MIPOL1: variants seen among roughly 807,000 people sequenced by gnomAD.
The protein encoded by MIPOL1 is mirror-image polydactyly 1.
A neutral mutation model predicts 60.9 loss-of-function variants in MIPOL1; 57 were observed. The ratio of observed to expected loss-of-function variants is 0.94; its 90% CI spans 0.76 to 1.17. The LOEUF is 1.17. Ranked by LOEUF, MIPOL1 falls within the 50% of genes most tolerant of loss-of-function variation. The pLI, the probability that MIPOL1 is intolerant of heterozygous loss-of-function variation, is 0.00. For missense variants in MIPOL1, 551 were observed against 511.6 expected (o/e 1.08, Z -0.74); for synonymous variants, 179 against 168.8 (o/e 1.06, Z -0.47).
chr14:37,419,533 A>T (rs2093832715), intron 10 of MIPOL1, among the ~76,000 whole-genome samples: 1 of 152,218 alleles, frequency 6.6e-6, no homozygotes, highest in Non-Finnish European at 1.5e-5. Context: ...ACTTACTTGC[A>T]TATATGTTTA....
At position 37,257,583 on chromosome 14, in the gene MIPOL1, A is replaced by T. The variant is rs550458603; in HGVS notation, c.20-9355A>T. ...GTTTCATTTGGAATCTTAATCTGAG[A>T]TTTATTTGGTGGATCTGGAAATCAT... On this transcript the variant is annotated intron_variant, in intron 3 of 12. Transcript: ENST00000684589. 2.9e-4 allele frequency among the ~76,000 whole-genome samples: 44 copies of T among 152,180 alleles called. 2 individuals are homozygous for T. In the South Asian group the frequency reaches 8.9e-3, roughly 31 times the overall value.
chr14:37,426,570 C>CATATGTATATAT (rs2093964391), intron 11 of MIPOL1, among the ~76,000 whole-genome samples: 1 of 85,530 alleles, frequency 1.2e-5, no homozygotes, highest in Non-Finnish European at 2.2e-5. Flanking sequence ...TCAAAATATA[C>CATATGTATATAT]ATATATATAT....
At chr14:37,198,194 T>C (rs1202281481) in intron 1 of MIPOL1, 90 bp downstream of exon 1, 1 of 152,288 alleles carries the variant, frequency 6.6e-6, no homozygotes, top group Non-Finnish European at 1.5e-5. Flanking sequence ...AGACTTTTCC[T>C]TGGAGAAGGA....
At chr14:37,377,919 C>T (rs1421451216) in intron 10 of MIPOL1, among the ~76,000 whole-genome samples, 1 of 151,754 alleles carries the variant, frequency 6.6e-6, no homozygotes, top group African/African-American at 2.4e-5. Flanking sequence ...TAAACTCTGA[C>T]TTTACTATTT....
intron 12 of MIPOL1, chr14:37,505,737 G>GTATTGGTGT (rs2095269406): frequency 6.6e-6 from 1 of 151,108 alleles, no homozygotes; most frequent in Admixed American, 6.6e-5. Flanking sequence ...ATTCAACATA[G>GTATTGGTGT]TATTGGAAGT....
chr14:37,318,006 A>G (rs1396011809), intron 9 of MIPOL1, among the ~76,000 whole-genome samples: 1 of 152,174 alleles, frequency 6.6e-6, no homozygotes, highest in Non-Finnish European at 1.5e-5. Flanking sequence ...ATATTTCAAG[A>G]TTCAGAAATG....
intron 9 of MIPOL1, among the ~76,000 whole-genome samples, chr14:37,319,320 A>G (rs78803407): frequency 0.027 from 4,147 of 152,306 alleles, 205 homozygotes; most frequent in African/African-American, 0.094. Flanking sequence ...AAATAAATAT[A>G]TATTTCTAAA....
At chr14:37,478,591 A>G (rs1283328805) in intron 11 of MIPOL1, among the ~76,000 whole-genome samples, 3 of 152,182 alleles carry the variant, frequency 2.0e-5, no homozygotes, top group Admixed American at 6.5e-5. Context: ...ATTTAAATGG[A>G]TTAAATAATC....
chr14:37,498,234 T>A (rs1436245890), intron 11 of MIPOL1, among the ~76,000 whole-genome samples: 1 of 152,190 alleles, frequency 6.6e-6, no homozygotes, highest in African/African-American at 2.4e-5. Flanking sequence ...CTTCTAGATT[T>A]CTGCATTTGT....
At chr14:37,375,948 G>A (rs2092765557) in intron 10 of MIPOL1, among the ~76,000 whole-genome samples, 2 of 151,886 alleles carry the variant, frequency 1.3e-5, no homozygotes, top group African/African-American at 2.4e-5. Context: ...GTCTTAATTG[G>A]TGGTGCTTAT....
At chr14:37,362,953 C>A (rs1021691188) in intron 9 of MIPOL1, among the ~76,000 whole-genome samples, 2 of 152,184 alleles carry the variant, frequency 1.3e-5, no homozygotes, top group Non-Finnish European at 2.9e-5. Context: ...TGGTTTTCAG[C>A]TCTGTCAGGT....
At chr14:37,293,542 G>A (rs1026393882) in intron 7 of MIPOL1, among the ~76,000 whole-genome samples, 3 of 152,154 alleles carry the variant, frequency 2.0e-5, no homozygotes, top group Admixed American at 6.5e-5. Flanking sequence ...AAGGGGTCAG[G>A]GAATTCCCTT....
At chr14:37,435,164 A>G (rs2094144199) in intron 11 of MIPOL1, among the ~76,000 whole-genome samples, 1 of 152,146 alleles carries the variant, frequency 6.6e-6, no homozygotes, top group African/African-American at 2.4e-5. Flanking sequence ...ACGTATACAT[A>G]TACTCTGGCC....
intron 6 of MIPOL1, among the ~76,000 whole-genome samples, chr14:37,275,018 A>C (rs2083547395): frequency 6.6e-6 from 1 of 151,292 alleles, no homozygotes; most frequent in African/African-American, 2.4e-5. Flanking sequence ...TAGTTTACAA[A>C]GAATTTTTAT....
At chr14:37,264,373 C>T (rs919773644) in intron 3 of MIPOL1, among the ~76,000 whole-genome samples, 1 of 151,872 alleles carries the variant, frequency 6.6e-6, no homozygotes, top group Non-Finnish European at 1.5e-5. Flanking sequence ...TGCCTGTAAT[C>T]CCAATACTTT....
intron 11 of MIPOL1, among the ~76,000 whole-genome samples, chr14:37,477,303 A>G (rs547040967): frequency 1.3e-5 from 2 of 152,164 alleles, no homozygotes; most frequent in East Asian, 1.9e-4. Flanking sequence ...GAGAATTGAC[A>G]TCATTTCTTT....
intron 1 of MIPOL1, among the ~76,000 whole-genome samples, chr14:37,206,108 AATGTCCCCAGGGT>A (rs1176810420): frequency 6.6e-6 from 1 of 152,164 alleles, no homozygotes; most frequent in African/African-American, 2.4e-5. Flanking sequence ...CAATGGGGAA[AATGTCCCCAGGGT>A]ATGTCAGAGG....
chr14:37,297,399 C>G (rs969080830), intron 7 of MIPOL1, among the ~76,000 whole-genome samples: 3 of 152,124 alleles, frequency 2.0e-5, no homozygotes, highest in Admixed American at 6.5e-5. Flanking sequence ...TGGCACAAGA[C>G]AGGGATGCGC....
intron 12 of MIPOL1, among the ~76,000 whole-genome samples, chr14:37,509,440 A>G (rs1429903625): frequency 6.6e-6 from 1 of 151,938 alleles, no homozygotes; most frequent in African/African-American, 2.4e-5. Flanking sequence ...GGTTCTTAGC[A>G]TAGAGCAAAC....
Sources: allele counts gnomAD v4.1 joint callset (sites outside exome capture counted in the v4.1 genomes callset), GRCh38; gene constraint gnomAD v4.1.1; transcripts MANE v1.5; gene names NCBI Gene and HGNC (gene_info 2026-07-23, HGNC 2026-07-21).